Variants in PCDH15 observed in about 807,000 individuals in gnomAD.
The protein encoded by PCDH15 is protocadherin related 15.
Under a neutral mutation model 178.5 loss-of-function variants are expected in PCDH15, and 129 were observed. That is an observed-to-expected ratio of 0.72 (90% CI 0.63 to 0.84). The LOEUF (loss-of-function observed/expected upper bound fraction) is 0.84. Among genes scored for constraint, PCDH15 ranks in the 40% least tolerant of loss-of-function variants. The pLI is 0.00. For synonymous variants in PCDH15, 800 were observed against 732.0 expected (o/e 1.09, Z -1.50); for missense variants, 2,230 against 2,099.9 (o/e 1.06, Z -1.21).
chr10:54,284,496 T>G lies in PCDH15; in HGVS notation c.876+32775A>C, dbSNP rs530583185. On this transcript the variant is annotated intron_variant, in intron 8 of 37. Transcript: ENST00000644397. Reference sequence around the variant, plus strand: ...GACACTTTAAGGATCTAAGGAGGACTGAAAATTTTATCTGAGGAATTCGTT... The same window carrying G: ...GACACTTTAAGGATCTAAGGAGGACGGAAAATTTTATCTGAGGAATTCGTT... Among the ~76,000 whole-genome samples, 20 of 152,340 alleles carry G rather than the reference T, an allele frequency of 1.3e-4. No homozygotes were observed. The East Asian group carries it at 3.7e-3, about 28-fold the overall frequency.
At chr10:54,795,870 A>G (rs1443224232) in intron 1 of PCDH15, among the ~76,000 whole-genome samples, 1 of 151,898 alleles carries the variant, frequency 6.6e-6, no homozygotes, top group Non-Finnish European at 1.5e-5. Context: ...AATTATGTTG[A>G]TGTCAAGGAT....
chr10:53,826,622 C>G (rs2076696587), intron 32 of PCDH15, among the ~76,000 whole-genome samples: 1 of 152,010 alleles, frequency 6.6e-6, no homozygotes, highest in African/African-American at 2.4e-5. Context: ...TACTGACAAA[C>G]TGAACATCAC....
intron 25 of PCDH15, among the ~76,000 whole-genome samples, chr10:53,935,621 CA>C (rs2085502242): frequency 1.3e-5 from 2 of 152,180 alleles, no homozygotes; most frequent in African/African-American, 4.8e-5. Flanking sequence ...TAAGCTACAG[CA>C]GAGTAGAGTA....
At chr10:54,515,338 G>T (rs1221810237) in intron 3 of PCDH15, among the ~76,000 whole-genome samples, 2 of 152,208 alleles carry the variant, frequency 1.3e-5, no homozygotes. Flanking sequence ...TCCCGCACAT[G>T]GCTCGGAGGG....
At chr10:54,767,704 A>G (rs1948669311) in intron 1 of PCDH15, among the ~76,000 whole-genome samples, 1 of 152,166 alleles carries the variant, frequency 6.6e-6, no homozygotes, top group African/African-American at 2.4e-5. Flanking sequence ...ACCTCCCCCA[A>G]GCACTAGTCT....
intron 2 of PCDH15, among the ~76,000 whole-genome samples, chr10:54,898,578 G>C (rs1348076695): frequency 6.6e-6 from 1 of 151,858 alleles, no homozygotes; most frequent in Non-Finnish European, 1.5e-5. Flanking sequence ...CATTTTTCTA[G>C]CCAATAAATA....
chr10:54,552,393 T>C (rs924978913), intron 2 of PCDH15, among the ~76,000 whole-genome samples: 2 of 152,168 alleles, frequency 1.3e-5, no homozygotes, highest in Non-Finnish European at 2.9e-5. Context: ...GTATGAGAAT[T>C]AAGCCTTTAT....
chr10:54,622,320 A>G (rs1161468697), intron 2 of PCDH15, among the ~76,000 whole-genome samples: 1 of 151,200 alleles, frequency 6.6e-6, no homozygotes. Flanking sequence ...GGCTTTTCCT[A>G]TCTCTGATAA....
At chr10:54,694,423 C>G (rs1485914209) in intron 1 of PCDH15, among the ~76,000 whole-genome samples, 3 of 151,980 alleles carry the variant, frequency 2.0e-5, no homozygotes, top group Non-Finnish European at 4.4e-5. Flanking sequence ...TAGAACAATA[C>G]AGGCATACCT....
At chr10:54,300,432 C>T (rs1035971491) in intron 8 of PCDH15, among the ~76,000 whole-genome samples, 15 of 152,192 alleles carry the variant, frequency 9.9e-5, no homozygotes, top group African/African-American at 3.6e-4. Context: ...CAAATGAACT[C>T]AACTAACAAC....
At chr10:54,526,870 G>T (rs1321779884) in intron 3 of PCDH15, among the ~76,000 whole-genome samples, 1 of 152,080 alleles carries the variant, frequency 6.6e-6, no homozygotes, top group East Asian at 1.9e-4. Context: ...ACTGATGCAG[G>T]AATTGCCTAT....
chr10:55,497,769 G>A lies in PCDH15; in HGVS notation c.-156+129856C>T, dbSNP rs143872111. ...AATCTTTCTCTCTGAATGTTGCCTC[G>A]TCTTTCACACTACTTGAATTCATTT... On this transcript the variant is annotated intron_variant, in intron 2 of 5. Coordinates refer to the PCDH15 transcript ENST00000613346. 3.9e-3 allele frequency among the ~76,000 whole-genome samples: 599 copies of A among 151,864 alleles called. 6 individuals are homozygous for A. The highest frequency in any genetic ancestry group is 0.013 in the African/African-American group (546 of 41,474).
chr10:55,580,366 T>A (rs1440577566), intron 2 of PCDH15, among the ~76,000 whole-genome samples: 26 of 150,550 alleles, frequency 1.7e-4, no homozygotes, highest in African/African-American at 3.6e-4. Context: ...TTTTATTTTT[T>A]TTTTTTTTTG....
At chr10:55,577,114 C>A (rs371622441) in intron 2 of PCDH15, among the ~76,000 whole-genome samples, 1 of 151,752 alleles carries the variant, frequency 6.6e-6, no homozygotes, top group African/African-American at 2.4e-5. Context: ...TGGTGTTGCA[C>A]GCCTGTAGTC....
intron 2 of PCDH15, among the ~76,000 whole-genome samples, chr10:55,530,558 TC>T (rs1263498065): frequency 6.6e-6 from 1 of 152,054 alleles, no homozygotes; most frequent in Non-Finnish European, 1.5e-5. Flanking sequence ...GGATGAATAT[TC>T]TTTTTTACAT....
chr10:54,508,487 A>G (rs2081358924), intron 3 of PCDH15, among the ~76,000 whole-genome samples: 1 of 152,092 alleles, frequency 6.6e-6, no homozygotes, highest in Non-Finnish European at 1.5e-5. Flanking sequence ...TACCCAACCT[A>G]CTAAATGTCA....
chr10:54,128,980 T>C (rs1293737532), intron 15 of PCDH15, among the ~76,000 whole-genome samples: 6 of 152,180 alleles, frequency 3.9e-5, no homozygotes, highest in Non-Finnish European at 1.5e-5. Flanking sequence ...TAAAATATAA[T>C]AGTTCTCTAC....
rs148866779 is a variant in PCDH15 at position 54,890,836 on chromosome 10, T to C, written c.-29+6614A>G. On this transcript the variant is annotated intron_variant, in intron 3 of 5. Transcript: ENST00000458638. Reference sequence around the variant, plus strand: ...CTTGCAACCATCTACATAAAATATATTGCAACTCATCTAGACCTAAAGTTG... The same window carrying C: ...CTTGCAACCATCTACATAAAATATACTGCAACTCATCTAGACCTAAAGTTG... Among the ~76,000 whole-genome samples, 135 of 152,192 alleles carry C rather than the reference T, an allele frequency of 8.9e-4. 2 individuals carry two copies. The East Asian group carries it at 0.023, about 26-fold the overall frequency.
At chr10:55,435,953 G>C (rs1839028446) in intron 2 of PCDH15, among the ~76,000 whole-genome samples, 1 of 152,072 alleles carries the variant, frequency 6.6e-6, no homozygotes, top group African/African-American at 2.4e-5. Context: ...TATTAATCAA[G>C]TTATATCCAA....
Sources: allele counts gnomAD v4.1 joint callset (sites outside exome capture counted in the v4.1 genomes callset), GRCh38; gene constraint gnomAD v4.1.1; transcripts MANE v1.5; gene names NCBI Gene and HGNC (gene_info 2026-07-23, HGNC 2026-07-21).